The following BPIFB2 variants were observed in gnomAD, a reference collection of about 807,000 sequenced individuals.
The protein encoded by BPIFB2 is BPI fold containing family B member 2, also known as BPI fold-containing family B member 2.
In BPIFB2, 39 loss-of-function variants were observed where a neutral mutation model predicts 50.1. The observed-to-expected ratio is 0.78, with a 90% CI of 0.60 to 1.02. The LOEUF (loss-of-function observed/expected upper bound fraction) is 1.02, where lower values mean the gene tolerates loss of function less well. BPIFB2 is among the 50% of genes least tolerant of loss of function. BPIFB2 has a pLI of 0.00. For missense variants in BPIFB2, 574 were observed against 585.8 expected, an observed-to-expected ratio of 0.98 and a Z score of 0.21; for synonymous variants, 280 against 256.3, an observed-to-expected ratio of 1.09 and a Z score of -0.88.
At position 33,018,339 on chromosome 20, in the gene BPIFB2, C is replaced by T. The variant is rs1399210940; in HGVS notation, c.658C>T (p.Leu220=). The change falls in exon 8 of 16, where the codon CTG becomes TTG. Residue 220 remains leucine, a synonymous_variant. Coordinates refer to ENST00000170150, the MANE Select transcript of BPIFB2 (RefSeq NM_025227.3). ...VPTVTSDYIS[L]EVNAVLFLLG... ...CACTGTCACCAGTGACTACATTTCC[C>T]TGGAAGTCAATGTAAGTGCCTCCTG... The T allele has an allele frequency of 3.1e-6, 5 of 1,613,344 alleles. No individual in the cohort carries two copies. Among genetic ancestry groups the T allele is most frequent in the South Asian group, 1.1e-5 (1 of 91,048 alleles).
At chr20:33,017,145 C>T (rs760964640) in intron 7 of BPIFB2, 43 bp downstream of exon 7, 1 of 1,578,420 alleles carries the variant, frequency 6.3e-7, no homozygotes, top group East Asian at 2.2e-5. Context: ...GCCTCTGGGA[C>T]CCCCTGGAGC....
intron 9 of BPIFB2, 28 bp from the exon 10 acceptor site, chr20:33,019,034 C>T: frequency 6.2e-7 from 1 of 1,614,116 alleles, no homozygotes; most frequent in Non-Finnish European, 8.5e-7. Context: ...GTCCTAAAAC[C>T]TGTTGTGGCC....
intron 15 of BPIFB2, 96 bp from the exon 16 acceptor site, chr20:33,023,246 G>A (rs1383394474): frequency 7.9e-7 from 1 of 1,269,590 alleles, no homozygotes; most frequent in East Asian, 2.3e-5. Flanking sequence ...CCCACAGCAA[G>A]AATGGCAGAG....
Position 33,023,565 on chromosome 20 carries a change from T to TC in BPIFB2, c.*185dup. 1 of 671,268 alleles carries TC rather than the reference T, an allele frequency of 1.5e-6. No individual in the cohort carries two copies. The highest frequency in any genetic ancestry group is 2.6e-6 in the Non-Finnish European group (1 of 379,492). The allele number at this position is 671,268 out of a possible 1,614,324, so 41.6% of individuals were successfully genotyped here. A position where few individuals can be genotyped will look rare whatever the true frequency, so the allele number is the denominator to read the frequency against. On this transcript the variant is annotated 3_prime_UTR_variant, in exon 16 of 16. Coordinates refer to ENST00000170150, the MANE Select transcript of BPIFB2 (RefSeq NM_025227.3). Reference sequence around the variant, plus strand: ...GTCTCCCTCCCTCACTTCTGCCCTTTCCCTTCCTCCTCCTCTTCTCCTCCC... The same window carrying TC: ...GTCTCCCTCCCTCACTTCTGCCCTTTCCCCTTCCTCCTCCTCTTCTCCTCCC...
intron 14 of BPIFB2, 116 bp downstream of exon 14, chr20:33,021,460 G>A (rs1978668046): frequency 3.3e-6 from 4 of 1,219,816 alleles, no homozygotes; most frequent in Non-Finnish European, 3.5e-6. Flanking sequence ...GTGAGAGGGG[G>A]CCTCTGGAGT....
rs1460674123 is a variant in BPIFB2, at chr20:33,009,999, T to C, written c.110-1025T>C. Among the ~76,000 whole-genome samples, 1 of 152,178 alleles carries C rather than the reference T, an allele frequency of 6.6e-6. No homozygotes were observed. The highest frequency in any genetic ancestry group is 1.5e-5 in the Non-Finnish European group (1 of 68,020). On this transcript the variant is annotated intron_variant, in intron 2 of 15. Coordinates refer to ENST00000170150, the MANE Select transcript of BPIFB2 (RefSeq NM_025227.3). The surrounding 1 kb of genome is among the most constrained non-coding windows in gnomAD (Gnocchi z 4.2). ...AGATGGTTAGGTGGGAGAGGGGTGC[T>C]GGGAAACATGGAAACCACCGCCTTT...
intron 3 of BPIFB2, among the ~76,000 whole-genome samples, chr20:33,011,975 G>T (rs1445254607): frequency 3.9e-5 from 6 of 152,046 alleles, no homozygotes; most frequent in African/African-American, 1.5e-4. Flanking sequence ...ATGAAACTCT[G>T]TCTCAAAACA....
intron 5 of BPIFB2, among the ~76,000 whole-genome samples, chr20:33,014,360 C>T (rs1990329601): frequency 6.6e-6 from 1 of 152,202 alleles, no homozygotes; most frequent in African/African-American, 2.4e-5. Context: ...CAGGCCGCTC[C>T]CTTCTGCATA....
At chr20:33,022,589 C>G (rs1409576600) in intron 15 of BPIFB2, among the ~76,000 whole-genome samples, 1 of 152,164 alleles carries the variant, frequency 6.6e-6, no homozygotes, top group East Asian at 1.9e-4. Flanking sequence ...AGTCCCTAGT[C>G]CAGTACTGTT....
chr20:33,019,530 G>T (rs1354725948), intron 10 of BPIFB2, 50 bp from the exon 11 acceptor site: 2 of 1,519,432 alleles, frequency 1.3e-6, no homozygotes, highest in Non-Finnish European at 1.8e-6. Context: ...TGACCAGAGA[G>T]CCCGCCAGCC....
At chr20:33,014,930 G>A (rs953680604) in intron 5 of BPIFB2, among the ~76,000 whole-genome samples, 9 of 152,158 alleles carry the variant, frequency 5.9e-5, no homozygotes, top group African/African-American at 2.2e-4. Context: ...GTTGGGCTGT[G>A]GCTTGGATCG....
At position 33,019,107 on chromosome 20, in the gene BPIFB2, A is replaced by G; in HGVS notation, c.901A>G (p.Ile301Val). 1 of 1,613,996 alleles carries G rather than the reference A, an allele frequency of 6.2e-7. No homozygotes were observed. The highest frequency in any genetic ancestry group is 1.1e-5 in the South Asian group (1 of 91,080). Residue 301 changes from isoleucine to valine, a missense_variant, in exon 10 of 16, where the codon ATC (isoleucine) becomes GTC (valine). Coordinates refer to ENST00000170150, the MANE Select transcript of BPIFB2 (RefSeq NM_025227.3). ...LLNTSALGRL[I>V]PEVARQFPEP... ...GAACACCTCTGCTCTGGGCCGGCTC[A>G]TCCCGGAGGTCGGTGATGTTTCTGA...
At chr20:33,022,021 T>C (rs528424612) in intron 15 of BPIFB2, among the ~76,000 whole-genome samples, 2 of 152,304 alleles carry the variant, frequency 1.3e-5, no homozygotes, top group African/African-American at 4.8e-5. Flanking sequence ...ACTCGGACAA[T>C]TGGGGCCTTC....
chr20:33,022,610 C>CT (rs1978716587), intron 15 of BPIFB2, among the ~76,000 whole-genome samples: 2 of 152,348 alleles, frequency 1.3e-5, no homozygotes, highest in South Asian at 4.1e-4. Context: ...ACCAATGGAA[C>CT]TTTCTGCAAG....
intron 15 of BPIFB2, 149 bp from the exon 16 acceptor site, chr20:33,023,193 C>A (rs779043321): frequency 1.5e-5 from 11 of 719,320 alleles, no homozygotes; most frequent in Non-Finnish European, 2.6e-5. Context: ...AAGTGACAGA[C>A]TGGTAAACTG....
intron 9 of BPIFB2, 65 bp from the exon 10 acceptor site, chr20:33,018,997 A>T: frequency 6.2e-7 from 1 of 1,606,800 alleles, no homozygotes; most frequent in Non-Finnish European, 8.5e-7. Context: ...TCAGGGGGAA[A>T]GTGGTGATCT....
intron 2 of BPIFB2, 126 bp from the exon 3 acceptor site, chr20:33,010,898 A>G: frequency 1.3e-6 from 1 of 780,456 alleles, no homozygotes; most frequent in Non-Finnish European, 2.1e-6. Flanking sequence ...ATATGCTTGG[A>G]GTAAGCCTAC....
intron 14 of BPIFB2, 112 bp downstream of exon 14, chr20:33,021,456 G>A (rs1568980030): frequency 3.2e-6 from 4 of 1,253,494 alleles, no homozygotes; most frequent in Non-Finnish European, 4.5e-6. Context: ...CAGGGTGAGA[G>A]GGGGCCTCTG....
In BPIFB2 at chr20:33,017,089, G is replaced by A. The variant is rs766570894; in HGVS notation, c.564G>A (p.Leu188=). 12 of 1,613,932 alleles carry A rather than the reference G, an allele frequency of 7.4e-6. No homozygotes were observed. In the African/African-American group the frequency reaches 1.3e-4, roughly 18 times the overall value. Residue 188 remains leucine (L), a synonymous_variant, in exon 7 of 16, where the codon CTG becomes CTA. Coordinates refer to ENST00000170150, the MANE Select transcript of BPIFB2 (RefSeq NM_025227.3). ...TGGTGCAGGGTGTCAATGTCCACCT[G>A]GGCACCTTAATTGGTAAGATCTGGG... is the stretch of plus-strand genomic sequence containing the variant. ...SNLVQGVNVH[L]GTLIGLNPVG...
Sources: allele counts gnomAD v4.1 joint callset (sites outside exome capture counted in the v4.1 genomes callset), GRCh38; gene constraint gnomAD v4.1.1; non-coding constraint Gnocchi (gnomAD v3.1); transcripts MANE v1.5; gene names NCBI Gene and HGNC (gene_info 2026-07-23, HGNC 2026-07-21).